The following ROBO1 variants were observed in gnomAD, a reference collection of about 807,000 sequenced individuals.
ROBO1 encodes the protein roundabout homolog 1.
ROBO1 carries 149 observed loss-of-function variants against 195.9 expected under a neutral mutation model. The observed-to-expected ratio is 0.76, with a 90% CI of 0.67 to 0.87. The LOEUF is 0.87. Ranked by LOEUF, ROBO1 falls within the 40% of genes least tolerant of loss-of-function variation. The pLI, the probability that ROBO1 is intolerant of heterozygous loss-of-function variation, is 0.00. For missense variants in ROBO1, 1,933 were observed against 2,068.3 expected (o/e 0.93, Z 1.27); for synonymous variants, 816 against 733.2 (o/e 1.11, Z -1.82).
At chr3:78,918,793 T>C (rs551101023) in intron 4 of ROBO1, among the ~76,000 whole-genome samples, 38 of 152,224 alleles carry the variant, frequency 2.5e-4, no homozygotes, top group Admixed American at 6.5e-4. Context: ...GGAAACCTCA[T>C]GTAGAACACA....
chr3:79,070,466 T>G (rs367724108), intron 3 of ROBO1, among the ~76,000 whole-genome samples: 7 of 151,862 alleles, frequency 4.6e-5, no homozygotes, highest in Non-Finnish European at 1.0e-4. Flanking sequence ...GGAATGAAAA[T>G]TTTAGTTTTA....
In ROBO1 at chr3:79,623,438, C is replaced by T. The variant is rs1338710198; in HGVS notation, c.-50-33477G>A. ...CATGTTCTAACACAATGCAAAGATG[C>T]TAAGAACATTGATAAAATGTTAGAG... On this transcript the variant is annotated intron_variant, in intron 1 of 30. Coordinates refer to ENST00000464233, the MANE Select transcript of ROBO1 (RefSeq NM_002941.4). Among the ~76,000 whole-genome samples, 9 of 152,068 alleles carry T rather than the reference C, an allele frequency of 5.9e-5. No individual in the cohort carries two copies. In the East Asian group the frequency reaches 1.7e-3, roughly 29 times the overall value.
Position 78,714,476 on chromosome 3 carries a change from A to C in ROBO1, c.966T>G (p.Ala322=). ...DHTLKIRKVT[A]GDMGSYTCVA... is the part of the protein sequence containing the mutation. ...CACAAGTGTATGAACCCATGTCACC[A>C]GCTGTCACCTTCCTAATTTTCAAGG... Residue 322 remains alanine (A), a synonymous_variant, in exon 8 of 31, where the codon GCT becomes GCG. Transcript: ENST00000464233. The C allele has an allele frequency of 6.2e-7, 1 of 1,613,150 alleles. No homozygotes were observed. The highest frequency in any genetic ancestry group is 8.5e-7 in the Non-Finnish European group (1 of 1,179,506).
rs407485 is a variant in ROBO1 at position 78,772,769 on chromosome 3, A to T, written c.500-25869T>A. ...GACATTTAGTATGGAGAAGGTTTGT[A>T]TTAAGAATTGAATCTCATTTAATCC... On this transcript the variant is annotated intron_variant, in intron 4 of 30. Coordinates refer to ENST00000464233, the MANE Select transcript of ROBO1 (RefSeq NM_002941.4). Among the ~76,000 whole-genome samples, 433 of 152,194 alleles carry T rather than the reference A, an allele frequency of 2.8e-3. 1 individual carries two copies. The highest frequency in any genetic ancestry group is 8.1e-3 in the Admixed American group (124 of 15,278).
At chr3:78,960,962 C>T (rs768839773) in intron 3 of ROBO1, among the ~76,000 whole-genome samples, 8 of 152,070 alleles carry the variant, frequency 5.3e-5, no homozygotes, top group African/African-American at 1.9e-4. Context: ...TTTCGCATCA[C>T]CCTAATCGTT....
chr3:78,984,598 G>C (rs1435007117), intron 3 of ROBO1, among the ~76,000 whole-genome samples: 1 of 152,168 alleles, frequency 6.6e-6, no homozygotes, highest in African/African-American at 2.4e-5. Flanking sequence ...TCTCAGAGCG[G>C]TATGATGAGT....
intron 2 of ROBO1, among the ~76,000 whole-genome samples, chr3:79,575,497 A>C (rs1489182501): frequency 8.2e-6 from 1 of 121,930 alleles, no homozygotes; most frequent in African/African-American, 2.9e-5. Context: ...ACAAATATAT[A>C]AATATATATA....
intron 2 of ROBO1, among the ~76,000 whole-genome samples, chr3:79,584,953 A>C (rs1470708886): frequency 6.6e-6 from 1 of 151,760 alleles, no homozygotes. Context: ...TTATACTATA[A>C]AAAGTAACAC....
intron 2 of ROBO1, among the ~76,000 whole-genome samples, chr3:79,387,119 T>A (rs534473540): frequency 1.3e-5 from 2 of 152,214 alleles, no homozygotes; most frequent in South Asian, 4.1e-4. Flanking sequence ...TTTAGAGGCA[T>A]CCAGGGAAGA....
chr3:79,644,431 T>C (rs1299717958), intron 1 of ROBO1, among the ~76,000 whole-genome samples: 1 of 152,140 alleles, frequency 6.6e-6, no homozygotes, highest in Non-Finnish European at 1.5e-5. Flanking sequence ...TACTTACAGT[T>C]CCATGTGGCT....
intron 10 of ROBO1, among the ~76,000 whole-genome samples, chr3:78,674,041 A>G (rs1355923360): frequency 1.3e-5 from 2 of 152,218 alleles, no homozygotes; most frequent in East Asian, 1.9e-4. Flanking sequence ...TGTATAAAAT[A>G]TAACACTCTT....
chr3:78,897,135 C>A (rs959618090), intron 4 of ROBO1, among the ~76,000 whole-genome samples: 1 of 152,294 alleles, frequency 6.6e-6, no homozygotes, highest in African/African-American at 2.4e-5. Context: ...CAGTATCTCA[C>A]CCTCCTTATT....
intron 8 of ROBO1, among the ~76,000 whole-genome samples, chr3:78,709,250 G>A (rs561597761): frequency 6.6e-6 from 1 of 152,170 alleles, no homozygotes; most frequent in South Asian, 2.1e-4. Context: ...TCACTATTTT[G>A]TATTGGTCAT....
intron 1 of ROBO1, among the ~76,000 whole-genome samples, chr3:79,594,066 T>C: frequency 6.6e-6 from 1 of 152,042 alleles, no homozygotes; most frequent in East Asian, 1.9e-4. Flanking sequence ...TTTAATGAAG[T>C]TCAAATGATC....
At chr3:79,275,349 A>G (rs2030936623) in intron 2 of ROBO1, among the ~76,000 whole-genome samples, 1 of 152,024 alleles carries the variant, frequency 6.6e-6, no homozygotes, top group Non-Finnish European at 1.5e-5. Flanking sequence ...TCAATGTGAT[A>G]TATCCTATCA....
At position 79,470,352 on chromosome 3, in the gene ROBO1, T is replaced by C. The variant is rs537740352; in HGVS notation, c.88+119472A>G. Among the ~76,000 whole-genome samples the C allele has an allele frequency of 3.0e-4, 45 of 152,088 alleles. 1 individual carries two copies. Among genetic ancestry groups the C allele is most frequent in the African/African-American group, 7.0e-4 (29 of 41,492 alleles). Reference sequence around the variant, plus strand: ...ACATGTTCTCACTCATAGGTGGGAATTGAACAATGAGAACACCTGGACACA... The same window carrying C: ...ACATGTTCTCACTCATAGGTGGGAACTGAACAATGAGAACACCTGGACACA... On this transcript the variant is annotated intron_variant, in intron 2 of 30. Coordinates refer to ENST00000464233, the MANE Select transcript of ROBO1 (RefSeq NM_002941.4).
In ROBO1 at chr3:79,000,260, T is replaced by A. The variant is rs755629898; in HGVS notation, c.173-61333A>T. 2.7e-4 allele frequency among the ~76,000 whole-genome samples: 41 copies of A among 152,268 alleles called. 1 individual carries two copies. Among genetic ancestry groups the A allele is most frequent in the Non-Finnish European group, 3.8e-4 (26 of 68,018 alleles). On this transcript the variant is annotated intron_variant, in intron 3 of 30. Coordinates refer to ENST00000464233, the MANE Select transcript of ROBO1 (RefSeq NM_002941.4). ...CCCCTTAGAAAACCATCAGATCTCT[T>A]TGATGGGGTTGTTTTTTTCTTGTAA... is the stretch of plus-strand genomic sequence containing the variant.
intron 2 of ROBO1, among the ~76,000 whole-genome samples, chr3:79,299,384 T>C (rs2032768811): frequency 6.6e-6 from 1 of 152,168 alleles, no homozygotes; most frequent in Admixed American, 6.5e-5. Flanking sequence ...TGTGGCTTAT[T>C]GGGAACTATG....
chr3:78,981,789 A>ACACACACC, intron 3 of ROBO1, among the ~76,000 whole-genome samples: 1 of 67,546 alleles, frequency 1.5e-5, no homozygotes, highest in African/African-American at 7.4e-5. Flanking sequence ...GCCCCTGCCA[A>ACACACACC]CACACACACA....
Sources: allele counts gnomAD v4.1 joint callset (sites outside exome capture counted in the v4.1 genomes callset), GRCh38; gene constraint gnomAD v4.1.1; transcripts MANE v1.5; gene names NCBI Gene and HGNC (gene_info 2026-07-23, HGNC 2026-07-21).